ABCB1: variants seen among roughly 807,000 people sequenced by gnomAD.
The protein encoded by ABCB1 is ATP binding cassette subfamily B member 1, also known as ATP-dependent translocase ABCB1.
Under a neutral mutation model 142.0 loss-of-function variants are expected in ABCB1, and 69 were observed. That is an observed-to-expected ratio of 0.49 (90% CI 0.40 to 0.59). The LOEUF (loss-of-function observed/expected upper bound fraction) is 0.59, where lower values mean the gene tolerates loss of function less well. Ranked by LOEUF, ABCB1 falls within the 20% of genes least tolerant of loss-of-function variation. The probability of loss-of-function intolerance (pLI) is 0.00; values close to 1 mark genes in which losing one functional copy is unlikely to be tolerated. For synonymous variants in ABCB1, 532 were observed against 539.2 expected (o/e 0.99, Z 0.18); for missense variants, 1,326 against 1,554.7 (o/e 0.85, Z 2.47).
intron 1 of ABCB1, among the ~76,000 whole-genome samples, chr7:87,614,843 T>A (rs1227706823): frequency 5.3e-5 from 8 of 152,048 alleles, no homozygotes; most frequent in Non-Finnish European, 8.8e-5. Flanking sequence ...GTAGGTGTTT[T>A]TTTTTGGTGG....
intron 1 of ABCB1, among the ~76,000 whole-genome samples, chr7:87,626,800 G>T (rs1820684224): frequency 1.3e-5 from 2 of 150,572 alleles, no homozygotes; most frequent in South Asian, 2.1e-4. Flanking sequence ...GAGAGAGATG[G>T]AGTCTCACTC....
intron 1 of ABCB1, among the ~76,000 whole-genome samples, chr7:87,626,372 C>CAT: frequency 8.0e-5 from 2 of 24,886 alleles, no homozygotes; most frequent in Non-Finnish European, 1.1e-4. Flanking sequence ...ATATATGTGT[C>CAT]ATATGTATGT....
chr7:87,682,525 A>G (rs535301124), intron 1 of ABCB1, among the ~76,000 whole-genome samples: 17 of 152,326 alleles, frequency 1.1e-4, no homozygotes, highest in South Asian at 8.3e-4. Context: ...TTGTGTTAGA[A>G]GCCATGAAAA....
At chr7:87,683,783 T>C (rs967468829) in intron 1 of ABCB1, among the ~76,000 whole-genome samples, 1 of 152,166 alleles carries the variant, frequency 6.6e-6, no homozygotes, top group Non-Finnish European at 1.5e-5. Context: ...GCACATGCTA[T>C]TGGAAAAATT....
chr7:87,670,833 C>T (rs1825752723), intron 1 of ABCB1, among the ~76,000 whole-genome samples: 1 of 152,184 alleles, frequency 6.6e-6, no homozygotes, highest in Non-Finnish European at 1.5e-5. Context: ...GGTTGTGTGG[C>T]TCCCCTATGT....
chr7:87,656,907 A>G (rs1301713135), intron 1 of ABCB1, among the ~76,000 whole-genome samples: 2 of 152,182 alleles, frequency 1.3e-5, no homozygotes, highest in Non-Finnish European at 2.9e-5. Flanking sequence ...AGTATCTACT[A>G]TATGCCTAGC....
intron 1 of ABCB1, among the ~76,000 whole-genome samples, chr7:87,692,946 T>G (rs956232302): frequency 6.6e-6 from 1 of 152,176 alleles, no homozygotes; most frequent in African/African-American, 2.4e-5. Flanking sequence ...GATGTGTAGA[T>G]GTGGCACAGC....
chr7:87,561,554 C>T (rs756734540), intron 7 of ABCB1, among the ~76,000 whole-genome samples, 167 bp from the exon 8 acceptor site: 3 of 152,178 alleles, frequency 2.0e-5, no homozygotes, highest in Non-Finnish European at 4.4e-5. Context: ...TGAAGTAAAC[C>T]TCTCCCTGAA....
chr7:87,616,271 G>A (rs1033007645), intron 1 of ABCB1, among the ~76,000 whole-genome samples: 1 of 152,192 alleles, frequency 6.6e-6, no homozygotes, highest in Non-Finnish European at 1.5e-5. Context: ...ATCTTGTGCA[G>A]AGTGAATATA....
At chr7:87,516,188 G>GT (rs1325699924) in intron 24 of ABCB1, among the ~76,000 whole-genome samples, 6 of 152,116 alleles carry the variant, frequency 3.9e-5, no homozygotes, top group Non-Finnish European at 5.9e-5. Context: ...CAAGGCTGCA[G>GT]TGAGCTATGA....
At chr7:87,516,118 C>G (rs904525741) in intron 24 of ABCB1, among the ~76,000 whole-genome samples, 1 of 152,062 alleles carries the variant, frequency 6.6e-6, no homozygotes, top group African/African-American at 2.4e-5. Context: ...TGATGGCACA[C>G]GCTTGTAGTC....
At chr7:87,576,485 A>G (rs1252953562) in intron 4 of ABCB1, among the ~76,000 whole-genome samples, 1 of 150,310 alleles carries the variant, frequency 6.7e-6, no homozygotes, top group Non-Finnish European at 1.5e-5. Flanking sequence ...ACACACATAT[A>G]TAATAGTATT....
chr7:87,661,823 C>T (rs987397238), intron 1 of ABCB1, among the ~76,000 whole-genome samples: 2 of 151,782 alleles, frequency 1.3e-5, no homozygotes, highest in African/African-American at 4.8e-5. Context: ...ATGAGAAACC[C>T]CTATACTTTT....
chr7:87,573,484 T>A (rs138286210), intron 4 of ABCB1, among the ~76,000 whole-genome samples: 408 of 152,316 alleles, frequency 2.7e-3, no homozygotes, highest in African/African-American at 9.2e-3. Context: ...CAGTTAATGC[T>A]CTGGTTCAAG....
rs28381821 is a variant in ABCB1 at position 87,586,449 on chromosome 7, G to A, written c.118-769C>T. Among the ~76,000 whole-genome samples, 949 of 152,234 alleles carry A rather than the reference G, an allele frequency of 6.2e-3. 10 individuals carry two copies. The highest frequency in any genetic ancestry group is 0.022 in the African/African-American group (896 of 41,538). ...CCTATAACTCAAGGAACTAGCTAAG[G>A]ATTGAAAGAAAACCAAAGGGAAAAA... On this transcript the variant is annotated intron_variant, in intron 3 of 27. Transcript: ENST00000622132.
chr7:87,612,294 A>T (rs1309352159), intron 1 of ABCB1, among the ~76,000 whole-genome samples: 1 of 152,004 alleles, frequency 6.6e-6, no homozygotes, highest in Non-Finnish European at 1.5e-5. Flanking sequence ...TTTTCATTTT[A>T]GTTGAATTTG....
intron 23 of ABCB1, among the ~76,000 whole-genome samples, chr7:87,517,096 A>T (rs1815286649): frequency 6.6e-6 from 1 of 152,182 alleles, no homozygotes; most frequent in South Asian, 2.1e-4. Flanking sequence ...AACAGATGTT[A>T]AAAATAAAAC....
chr7:87,578,910 G>T (rs1192421597), intron 4 of ABCB1, among the ~76,000 whole-genome samples: 1 of 151,710 alleles, frequency 6.6e-6, no homozygotes, highest in East Asian at 1.9e-4. Context: ...AGCCGGGATA[G>T]TCTCGATCTC....
At chr7:87,623,003 A>G (rs1268928478) in intron 1 of ABCB1, among the ~76,000 whole-genome samples, 1 of 152,152 alleles carries the variant, frequency 6.6e-6, no homozygotes, top group Non-Finnish European at 1.5e-5. Flanking sequence ...ATGATTACCC[A>G]CTGTACTCCA....
Sources: gnomAD v4.1 joint callset for allele counts (sites outside exome capture counted in the v4.1 genomes callset) on GRCh38, gnomAD v4.1.1 for gene constraint, MANE v1.5 for transcripts, NCBI Gene and HGNC (gene_info 2026-07-23, HGNC 2026-07-21) for gene names.